DPP10: variants seen among roughly 807,000 people sequenced by gnomAD.
DPP10 encodes the protein inactive dipeptidyl peptidase 10.
DPP10 carries 33 observed loss-of-function variants against 120.9 expected under a neutral mutation model. The observed-to-expected ratio is 0.27, with a 90% confidence interval of 0.21 to 0.37. The LOEUF is 0.37. Ranked by LOEUF, DPP10 falls within the 10% of genes least tolerant of loss-of-function variation. DPP10 has a pLI of 1.00. For missense variants in DPP10, 816 were observed against 942.8 expected, an observed-to-expected ratio of 0.87 and a Z score of 1.76; for synonymous variants, 337 against 326.1, an observed-to-expected ratio of 1.03 and a Z score of -0.36.
chr2:115,517,274 C>A (rs773185524), intron 4 of DPP10, among the ~76,000 whole-genome samples: 72 of 152,056 alleles, frequency 4.7e-4, no homozygotes, highest in Non-Finnish European at 6.6e-4. Context: ...TGGCTTTCAA[C>A]CTTGGAGAAT....
intron 1 of DPP10, among the ~76,000 whole-genome samples, chr2:114,893,002 C>T (rs1296248853): frequency 1.3e-5 from 2 of 152,158 alleles, no homozygotes; most frequent in African/African-American, 4.8e-5. Context: ...AGGCGTATTC[C>T]ATGGACCACC....
At chr2:115,242,903 C>T (rs1159251430) in intron 1 of DPP10, among the ~76,000 whole-genome samples, 3 of 152,020 alleles carry the variant, frequency 2.0e-5, no homozygotes, top group Non-Finnish European at 4.4e-5. Flanking sequence ...TAACAACTAG[C>T]TTGAAAGTAT....
intron 1 of DPP10, among the ~76,000 whole-genome samples, chr2:114,806,849 T>C (rs1684770542): frequency 6.6e-6 from 1 of 152,154 alleles, no homozygotes; most frequent in African/African-American, 2.4e-5. Context: ...TATTGAACTC[T>C]CCAGCCCTAT....
chr2:115,020,530 A>G (rs1034970495), intron 1 of DPP10, among the ~76,000 whole-genome samples: 5 of 152,150 alleles, frequency 3.3e-5, no homozygotes, highest in Middle Eastern at 3.2e-3. Flanking sequence ...TACTAGACCT[A>G]GGAAATGAGA....
intron 1 of DPP10, chr2:115,161,790 G>C (rs1442434117): frequency 1.6e-6 from 1 of 631,758 alleles, no homozygotes; most frequent in South Asian, 3.2e-5. Flanking sequence ...CGGGGAGCCC[G>C]CCCGGTGCCG....
At chr2:114,498,573 CG>C (rs1456483237) in intron 1 of DPP10, among the ~76,000 whole-genome samples, 1 of 152,132 alleles carries the variant, frequency 6.6e-6, no homozygotes, top group Non-Finnish European at 1.5e-5. Context: ...ATGCCCATAT[CG>C]GGTTGGCCTG....
intron 1 of DPP10, among the ~76,000 whole-genome samples, chr2:114,916,120 G>A (rs1209535212): frequency 6.6e-6 from 1 of 152,078 alleles, no homozygotes; most frequent in African/African-American, 2.4e-5. Context: ...TCAAATAAAT[G>A]CAATCAGACA....
At chr2:115,786,767 T>C (rs1288285747) in intron 17 of DPP10, among the ~76,000 whole-genome samples, 1 of 152,128 alleles carries the variant, frequency 6.6e-6, no homozygotes, top group African/African-American at 2.4e-5. Context: ...GCTTATGGAA[T>C]GTTGAGGAAT....
In DPP10 at chr2:114,481,687, G is replaced by A. The variant is rs143663549; in HGVS notation, c.60+38849G>A. On this transcript the variant is annotated intron_variant, in intron 1 of 25. Transcript: ENST00000410059. ...CAGAGAATTATTCTGAGTGAAATAA[G>A]CCAACCCAAAAGGTTACTGTATTAG... Among the ~76,000 whole-genome samples, 96 of 152,200 alleles carry A rather than the reference G, an allele frequency of 6.3e-4. 2 individuals are homozygous for A. The highest frequency in any genetic ancestry group is 2.3e-3 in the African/African-American group (94 of 41,556).
intron 1 of DPP10, among the ~76,000 whole-genome samples, chr2:114,479,992 T>C (rs967386940): frequency 2.6e-5 from 4 of 151,928 alleles, no homozygotes; most frequent in African/African-American, 9.6e-5. Context: ...ATCCAGAATC[T>C]ACAATGAACT....
chr2:115,685,517 T>C (rs141081540), intron 5 of DPP10, among the ~76,000 whole-genome samples: 1 of 152,128 alleles, frequency 6.6e-6, no homozygotes, highest in African/African-American at 2.4e-5. Context: ...TTTTGGTCTT[T>C]GTATTTTGCA....
At chr2:115,816,419 G>A (rs75168877) in intron 21 of DPP10, among the ~76,000 whole-genome samples, 1,958 of 152,198 alleles carry the variant, frequency 0.013, 44 homozygotes, top group African/African-American at 0.042. Flanking sequence ...AAACTAGCAA[G>A]TATCGCAATC....
chr2:115,251,877 G>A (rs766844829), intron 1 of DPP10, among the ~76,000 whole-genome samples: 88 of 152,178 alleles, frequency 5.8e-4, no homozygotes, highest in Non-Finnish European at 1.1e-3. Context: ...TGTGACAAAA[G>A]CATAGGCTGT....
At chr2:114,450,253 A>G (rs749761117) in intron 1 of DPP10, among the ~76,000 whole-genome samples, 6 of 152,174 alleles carry the variant, frequency 3.9e-5, no homozygotes, top group Non-Finnish European at 5.9e-5. Context: ...AATCTTATGC[A>G]GAATTTTCTC....
intron 1 of DPP10, among the ~76,000 whole-genome samples, chr2:114,924,929 T>G (rs1193025981): frequency 6.6e-6 from 1 of 152,194 alleles, no homozygotes; most frequent in African/African-American, 2.4e-5. Flanking sequence ...AAACATAGGT[T>G]GGCTGGGCAC....
chr2:115,500,742 G>A (rs139331525), intron 4 of DPP10, among the ~76,000 whole-genome samples: 115 of 152,064 alleles, frequency 7.6e-4, no homozygotes, highest in African/African-American at 2.3e-3. Flanking sequence ...TATGGTACTC[G>A]TGGGATGTCA....
chr2:114,645,991 C>G (rs560601248), intron 1 of DPP10, among the ~76,000 whole-genome samples: 3 of 152,006 alleles, frequency 2.0e-5, no homozygotes, highest in Admixed American at 2.0e-4. Context: ...GAAACCCTGT[C>G]TCTACTAAAA....
At chr2:114,523,234 G>T (rs1199795245) in intron 1 of DPP10, among the ~76,000 whole-genome samples, 7 of 152,198 alleles carry the variant, frequency 4.6e-5, no homozygotes, top group East Asian at 1.9e-4. Flanking sequence ...GCCCCATTTT[G>T]AGGTGAGGGG....
At chr2:115,614,365 A>G (rs2084334380) in intron 5 of DPP10, among the ~76,000 whole-genome samples, 1 of 152,148 alleles carries the variant, frequency 6.6e-6, no homozygotes, top group South Asian at 2.1e-4. Context: ...TATATTTTCA[A>G]GTGCCCCTCT....
Sources: gnomAD v4.1 joint callset for allele counts (sites outside exome capture counted in the v4.1 genomes callset) on GRCh38, gnomAD v4.1.1 for gene constraint, MANE v1.5 for transcripts, NCBI Gene and HGNC (gene_info 2026-07-23, HGNC 2026-07-21) for gene names.